MEGF10: variants seen among roughly 807,000 people sequenced by gnomAD.
MEGF10 encodes multiple epidermal growth factor-like domains protein 10.
MEGF10 carries 86 observed loss-of-function variants against 147.5 expected under a neutral mutation model. The observed-to-expected ratio is 0.58, with a 90% CI of 0.49 to 0.70. The LOEUF (loss-of-function observed/expected upper bound fraction) is 0.70. MEGF10 is among the 30% of genes least tolerant of loss of function. The pLI, the probability that MEGF10 is intolerant of heterozygous loss-of-function variation, is 0.00. For missense variants in MEGF10, 1,329 were observed against 1,487.3 expected, an observed-to-expected ratio of 0.89 and a Z score of 1.75; for synonymous variants, 478 against 525.5, an observed-to-expected ratio of 0.91 and a Z score of 1.24.
chr5:127,268,622 C>T, the MEGF10 span, among the ~76,000 whole-genome samples: 6 of 152,358 alleles, frequency 3.9e-5, no homozygotes, highest in African/African-American at 1.4e-4. Context: ...CACCGCAACT[C>T]AAGGAGGCCT....
chr5:127,319,278 G>A (rs246885), intron 1 of MEGF10, among the ~76,000 whole-genome samples: 82,086 of 151,798 alleles, frequency 0.54, 23,329 homozygotes, highest in Middle Eastern at 0.65. Context: ...GTTTTACCAT[G>A]TTGGCCAGTC....
intron 1 of MEGF10, among the ~76,000 whole-genome samples, chr5:127,307,595 C>A (rs931427124): frequency 2.0e-5 from 3 of 152,150 alleles, no homozygotes; most frequent in African/African-American, 7.2e-5. Context: ...CTAAAGAGCT[C>A]TACTGACATG....
the MEGF10 span, among the ~76,000 whole-genome samples, chr5:127,271,863 T>C: frequency 6.6e-6 from 1 of 152,214 alleles, no homozygotes; most frequent in Non-Finnish European, 1.5e-5. Flanking sequence ...TATTTCTTTA[T>C]GGCAGCTTGA....
the MEGF10 span, chr5:127,229,425 C>G: frequency 2.6e-5 from 4 of 151,760 alleles, no homozygotes; most frequent in Non-Finnish European, 4.4e-5. Context: ...GTCCTCGCGC[C>G]GGCGACCCTG....
At chr5:127,384,819 C>G (rs1014403764) in intron 5 of MEGF10, among the ~76,000 whole-genome samples, 2 of 152,086 alleles carry the variant, frequency 1.3e-5, no homozygotes, top group African/African-American at 4.8e-5. Context: ...TTTTATTGTT[C>G]TTCTTCATGG....
chr5:127,447,678 C>T lies in MEGF10; in HGVS notation c.2850C>T (p.Val950=). ...TCAACAACAGGGACAGGATGACTGT[C>T]ACGAAGGTGAGAGGAATTGGTTCAA... is the stretch of plus-strand genomic sequence containing the variant. ...PHVNNRDRMT[V]TKSKNNQLFV... is the part of the protein sequence containing the mutation. Residue 950 remains valine, a synonymous_variant, in exon 21 of 25, where the codon GTC becomes GTT. Coordinates refer to ENST00000503335, the MANE Select transcript of MEGF10 (RefSeq NM_001256545.2). 2 of 1,614,078 alleles carry T rather than the reference C, an allele frequency of 1.2e-6. No individual in the cohort carries two copies. Among genetic ancestry groups the T allele is most frequent in the Non-Finnish European group, 1.7e-6 (2 of 1,179,978 alleles).
At chr5:127,425,874 G>A (rs1203189377) in intron 13 of MEGF10, among the ~76,000 whole-genome samples, 2 of 152,188 alleles carry the variant, frequency 1.3e-5, no homozygotes, top group Non-Finnish European at 2.9e-5. Flanking sequence ...ATTGCTGTAG[G>A]TGAAATATTA....
chr5:127,424,263 T>G, intron 13 of MEGF10: 1 of 697,634 alleles, frequency 1.4e-6, no homozygotes, highest in South Asian at 1.5e-5. Context: ...ACCATACAGT[T>G]TTGATTATTG....
the MEGF10 span, among the ~76,000 whole-genome samples, chr5:127,235,873 A>C: frequency 6.1e-3 from 931 of 152,368 alleles, 11 homozygotes; most frequent in African/African-American, 0.021. Flanking sequence ...ATATCTAAAT[A>C]ACAATATACT....
the MEGF10 span, among the ~76,000 whole-genome samples, chr5:127,269,891 A>C: frequency 6.6e-6 from 1 of 152,366 alleles, no homozygotes; most frequent in East Asian, 1.9e-4. Context: ...CTCTCAGCAG[A>C]AACTCTACAA....
intron 4 of MEGF10, among the ~76,000 whole-genome samples, chr5:127,346,039 T>G (rs1761872754): frequency 6.6e-6 from 1 of 152,204 alleles, no homozygotes; most frequent in South Asian, 2.1e-4. Flanking sequence ...TTCCTTTTTA[T>G]GGATGAGTAG....
chr5:127,373,749 AG>A (rs1348845439), intron 5 of MEGF10, among the ~76,000 whole-genome samples: 2 of 152,204 alleles, frequency 1.3e-5, no homozygotes, highest in Non-Finnish European at 2.9e-5. Context: ...GCTAGTAAGA[AG>A]TAGATAGATC....
At chr5:127,263,307 C>CG in the MEGF10 span, among the ~76,000 whole-genome samples, 1,517 of 144,024 alleles carry the variant, frequency 0.011, 18 homozygotes, top group African/African-American at 0.029. Context: ...GAGGGATTCT[C>CG]GGGGGGGGGG....
At chr5:127,423,902 A>T (rs1765118303) in intron 13 of MEGF10, among the ~76,000 whole-genome samples, 1 of 151,628 alleles carries the variant, frequency 6.6e-6, no homozygotes, top group Admixed American at 6.6e-5. Context: ...TATCTTTTTT[A>T]TTTCATTGCT....
At chr5:127,314,155 C>T (rs931260433) in intron 1 of MEGF10, among the ~76,000 whole-genome samples, 21 of 152,168 alleles carry the variant, frequency 1.4e-4, no homozygotes, top group Non-Finnish European at 2.1e-4. Flanking sequence ...TTATTTCTCT[C>T]CCACCTCACC....
At chr5:127,247,481 A>AGAG in the MEGF10 span, among the ~76,000 whole-genome samples, 1 of 149,376 alleles carries the variant, frequency 6.7e-6, no homozygotes, top group Non-Finnish European at 1.5e-5. Context: ...AAGAAGAAGA[A>AGAG]GAAGAAAAAT....
intron 5 of MEGF10, among the ~76,000 whole-genome samples, chr5:127,374,892 C>G (rs1006874522): frequency 6.6e-6 from 1 of 152,222 alleles, no homozygotes; most frequent in Non-Finnish European, 1.5e-5. Flanking sequence ...TTCCCCCACT[C>G]TCAGCCCAAA....
chr5:127,248,171 T>A, the MEGF10 span, among the ~76,000 whole-genome samples: 1 of 152,088 alleles, frequency 6.6e-6, no homozygotes, highest in East Asian at 1.9e-4. Flanking sequence ...AAAAGGGGTA[T>A]AGCCTAGCCC....
At chr5:127,433,656 G>A (rs1225294381) in intron 14 of MEGF10, 147 bp downstream of exon 14, 1 of 951,902 alleles carries the variant, frequency 1.1e-6, no homozygotes, top group African/African-American at 1.7e-5. Context: ...CTTGTCCTTT[G>A]CAGAACTGTG....
Sources: gnomAD v4.1 joint callset for allele counts (sites outside exome capture counted in the v4.1 genomes callset) on GRCh38, gnomAD v4.1.1 for gene constraint, MANE v1.5 for transcripts, NCBI Gene and HGNC (gene_info 2026-07-23, HGNC 2026-07-21) for gene names.